CNFN: variants seen among roughly 807,000 people sequenced by gnomAD.
The protein encoded by CNFN is cornefied envelope protein cornefilin.
CNFN carries 10 observed loss-of-function variants against 14.9 expected under a neutral mutation model. The ratio of observed to expected loss-of-function variants is 0.67; its 90% CI spans 0.41 to 1.14. The LOEUF is 1.14. CNFN is among the 50% of genes most tolerant of loss of function. The pLI is 0.00. For synonymous variants in CNFN, 66 were observed against 60.0 expected, an observed-to-expected ratio of 1.10 and a Z score of -0.46; for missense variants, 165 against 152.8, an observed-to-expected ratio of 1.08 and a Z score of -0.42.
At chr19:42,389,150 G>T in intron 1 of CNFN, 111 bp from the exon 2 acceptor site, 1 of 754,262 alleles carries the variant, frequency 1.3e-6, no homozygotes, top group Admixed American at 2.5e-5. Flanking sequence ...CCGCCAGGCC[G>T]CCCACTGAAG....
intron 2 of CNFN, 87 bp from the exon 3 acceptor site, chr19:42,387,563 G>A (rs1294967315): frequency 5.0e-6 from 5 of 1,000,028 alleles, no homozygotes; most frequent in Non-Finnish European, 7.2e-6. Context: ...GATTCGCCGC[G>A]GAGGGGCATT....
At chr19:42,387,518 C>T (rs749688406) in intron 2 of CNFN, 42 bp from the exon 3 acceptor site, 3 of 1,487,548 alleles carry the variant, frequency 2.0e-6, no homozygotes, top group Non-Finnish European at 2.7e-6. Context: ...CCAGCCGGGG[C>T]CTCCCGACGG....
chr19:42,389,269 G>A (rs2039880070), intron 1 of CNFN, among the ~76,000 whole-genome samples: 2 of 152,238 alleles, frequency 1.3e-5, no homozygotes, highest in African/African-American at 4.8e-5. Flanking sequence ...TGGGGGTGGG[G>A]GTCTCCTGCA....
At chr19:42,389,737 G>A (rs553736461) in intron 1 of CNFN, among the ~76,000 whole-genome samples, 21 of 152,146 alleles carry the variant, frequency 1.4e-4, no homozygotes, top group East Asian at 3.9e-4. Flanking sequence ...TGGATAGGGC[G>A]GGGGCGAGAA....
intron 1 of CNFN, chr19:42,389,587 A>C: frequency 8.1e-7 from 1 of 1,236,364 alleles, no homozygotes; most frequent in Non-Finnish European, 1.0e-6. Context: ...ACAGTGGCAG[A>C]GTCTGTCCAA....
At chr19:42,388,686 T>C (rs1206371021) in intron 2 of CNFN, among the ~76,000 whole-genome samples, 1 of 152,018 alleles carries the variant, frequency 6.6e-6, no homozygotes, top group Non-Finnish European at 1.5e-5. Flanking sequence ...AAGCTGAGCA[T>C]GCAAAGGGGA....
chr19:42,387,427 G>T lies in CNFN; in HGVS notation c.162C>A (p.Asp54Glu), dbSNP rs988303528. 1.9e-6 allele frequency: 3 copies of T among 1,601,502 alleles called. No homozygotes were observed. The highest frequency in any genetic ancestry group is 3.4e-5 in the Admixed American group (2 of 58,738). Residue 54 changes from aspartate to glutamate, a missense_variant, in exon 3 of 4, where the codon GAC becomes GAA. Coordinates refer to ENST00000222032, the MANE Select transcript of CNFN (RefSeq NM_032488.4). Reference protein sequence around the residue: ...APLCLACRISDDFGECCCAPY... With the variant: ...APLCLACRISEDFGECCCAPY... Reference sequence around the variant, plus strand: ...GCGCGCAGCAGCACTCGCCAAAGTCGTCGGAGATGCGGCAGGCAAGGCACA... The same window carrying T: ...GCGCGCAGCAGCACTCGCCAAAGTCTTCGGAGATGCGGCAGGCAAGGCACA...
At chr19:42,389,091 G>A in intron 1 of CNFN, 52 bp from the exon 2 acceptor site, 1 of 1,379,248 alleles carries the variant, frequency 7.3e-7, no homozygotes, top group Non-Finnish European at 1.0e-6. Flanking sequence ...GCATCTCCTG[G>A]GCCCCGCACT....
At chr19:42,389,344 C>T (rs1002535368) in intron 1 of CNFN, 1 of 690,830 alleles carries the variant, frequency 1.4e-6, no homozygotes, top group Non-Finnish European at 2.2e-6. Context: ...TCCTCCACGT[C>T]TGGGCCTGGG....
At chr19:42,388,774 T>C (rs2039875316) in intron 2 of CNFN, 152 bp downstream of exon 2, 19 of 602,656 alleles carry the variant, frequency 3.2e-5, no homozygotes, top group South Asian at 2.8e-4. Flanking sequence ...GAGGAAAGGG[T>C]GACTGTTAGA....
chr19:42,389,030 T>G lies in CNFN; in HGVS notation c.8A>C (p.Tyr3Ser). 1 of 1,613,030 alleles carries G rather than the reference T, an allele frequency of 6.2e-7. No homozygotes were observed. The highest frequency in any genetic ancestry group is 8.5e-7 in the Non-Finnish European group (1 of 1,179,470). The change falls in exon 2 of 4, where the codon TAC becomes TCC. Residue 3 changes from tyrosine to serine, a missense_variant. By Grantham distance (144) the Tyr-to-Ser change is moderately radical (BLOSUM62 -2). Transcript: ENST00000222032. MS[Y>S]PVTSQPQCAT... ...GCACTGGGGCTGACTGGTCACAGGG[T>G]AGGACATAGCTGCAGAGGTGGGAGG... is the stretch of plus-strand genomic sequence containing the variant.
Position 42,387,352 on chromosome 19 carries a change from G to A in CNFN, c.237C>T (p.Arg79=). The A allele has an allele frequency of 1.3e-6, 2 of 1,597,042 alleles. No homozygotes were observed. The highest frequency in any genetic ancestry group is 1.7e-6 in the Non-Finnish European group (2 of 1,172,956). The part of the protein sequence containing the change: ...LHSIRTGMRE[R]YHIQGSVGHD... ...GCCCGGCGCGCACCTGGATGTGGTA[G>A]CGCTCCCGCATGCCGGTGCGGATGG... Residue 79 remains arginine, a synonymous_variant, in exon 3 of 4, where the codon CGC becomes CGT. Coordinates refer to ENST00000222032, the MANE Select transcript of CNFN (RefSeq NM_032488.4).
chr19:42,387,318 G>A (rs2039858107), intron 3 of CNFN, 22 bp downstream of exon 3: 2 of 1,598,800 alleles, frequency 1.3e-6, no homozygotes, highest in Non-Finnish European at 8.5e-7. Flanking sequence ...CTGCTCCCGC[G>A]GGTCCCCAGC....
chr19:42,389,499 C>T (rs1381689512), intron 1 of CNFN: 1 of 1,290,580 alleles, frequency 7.7e-7, no homozygotes, highest in South Asian at 1.2e-5. Context: ...CTTTGCCTTT[C>T]ACGTTGTCGT....
intron 2 of CNFN, among the ~76,000 whole-genome samples, chr19:42,388,051 G>A (rs1262739198): frequency 2.0e-5 from 3 of 150,796 alleles, no homozygotes; most frequent in Non-Finnish European, 4.4e-5. Flanking sequence ...TTAAAGTCTC[G>A]GTCTGTCATC....
rs2039858362 is a variant in CNFN, at chr19:42,387,336, G to A, written c.249+4C>T. 1.3e-6 allele frequency: 2 copies of A among 1,596,006 alleles called. No homozygotes were observed. Among genetic ancestry groups the A allele is most frequent in the Non-Finnish European group, 1.7e-6 (2 of 1,172,186 alleles). ...CTCCCGCGGGTCCCCAGCCCGGCGC[G>A]CACCTGGATGTGGTAGCGCTCCCGC... On this transcript the variant is annotated splice_donor_region_variant and intron_variant, in intron 3 of 3. Coordinates refer to ENST00000222032, the MANE Select transcript of CNFN (RefSeq NM_032488.4).
intron 2 of CNFN, 49 bp from the exon 3 acceptor site, chr19:42,387,525 A>T (rs1202298182): frequency 6.9e-7 from 1 of 1,448,138 alleles, no homozygotes; most frequent in Non-Finnish European, 9.1e-7. Context: ...GGGCCTCCCG[A>T]CGGCTCCGCC....
At chr19:42,388,005 A>AAAAAAAAAAAC (rs2039868815) in intron 2 of CNFN, among the ~76,000 whole-genome samples, 7 of 143,678 alleles carry the variant, frequency 4.9e-5, no homozygotes, top group African/African-American at 1.9e-4. Flanking sequence ...CAAAACAAAA[A>AAAAAAAAAAAC]AAAAAACGAA....
chr19:42,388,126 A>G (rs907108348), intron 2 of CNFN, among the ~76,000 whole-genome samples: 1 of 151,780 alleles, frequency 6.6e-6, no homozygotes, highest in African/African-American at 2.4e-5. Flanking sequence ...GGCTCAAGCA[A>G]TCCTCCCGCC....
Sources: gnomAD v4.1 joint callset for allele counts (sites outside exome capture counted in the v4.1 genomes callset) on GRCh38, gnomAD v4.1.1 for gene constraint, MANE v1.5 for transcripts, NCBI Gene and HGNC (gene_info 2026-07-23, HGNC 2026-07-21) for gene names.